WDR17: variants seen among roughly 807,000 people sequenced by gnomAD.
WDR17 encodes the protein WD repeat-containing protein 17.
A neutral mutation model predicts 161.7 loss-of-function variants in WDR17; 143 were observed. The observed-to-expected ratio is 0.88, with a 90% CI of 0.77 to 1.02. The LOEUF is 1.02. Ranked by LOEUF, WDR17 falls within the 50% of genes least tolerant of loss-of-function variation. The pLI, the probability that WDR17 is intolerant of heterozygous loss-of-function variation, is 0.00. For synonymous variants in WDR17, 517 were observed against 515.6 expected (o/e 1.00, Z -0.04); for missense variants, 1,469 against 1,520.9 (o/e 0.97, Z 0.57).
intron 1 of WDR17, among the ~76,000 whole-genome samples, chr4:176,104,164 C>T (rs1009467121): frequency 6.6e-6 from 1 of 152,038 alleles, no homozygotes; most frequent in African/African-American, 2.4e-5. Flanking sequence ...TTTTATCCTG[C>T]AAAACTGTCT....
At chr4:176,148,454 T>C (rs1746550038) in intron 13 of WDR17, 119 bp downstream of exon 13, 3 of 863,138 alleles carry the variant, frequency 3.5e-6, no homozygotes, top group African/African-American at 3.4e-5. Context: ...TACAATAACA[T>C]TTTTCACATT....
chr4:176,066,301 G>A (rs567842794), intron 1 of WDR17, among the ~76,000 whole-genome samples: 2 of 152,328 alleles, frequency 1.3e-5, no homozygotes, highest in African/African-American at 4.8e-5. Flanking sequence ...ACAGCAAGCA[G>A]CGAATATTTA....
At chr4:176,070,646 T>A (rs1332865482) in intron 1 of WDR17, among the ~76,000 whole-genome samples, 2 of 151,876 alleles carry the variant, frequency 1.3e-5, no homozygotes, top group African/African-American at 2.4e-5. Context: ...TCTGAGCAGC[T>A]GGGACTACAG....
intron 11 of WDR17, among the ~76,000 whole-genome samples, chr4:176,144,329 C>A (rs957085432): frequency 3.3e-5 from 5 of 151,952 alleles, no homozygotes; most frequent in African/African-American, 1.2e-4. Context: ...GCTGTCTCAC[C>A]CTCTGAAATG....
chr4:176,162,075 A>T lies in WDR17; in HGVS notation c.2751A>T (p.Glu917Asp). The T allele has an allele frequency of 1.9e-6, 3 of 1,608,260 alleles. No individual in the cohort carries two copies. Among genetic ancestry groups the T allele is most frequent in the Non-Finnish European group, 2.5e-6 (3 of 1,177,816 alleles). ...SDDIYKEDFN[E>D]LLHKVSKELA... Reference sequence around the variant, plus strand: ...AGAATACACATTTTTTTCTTTCTAGACTCCTGCACAAAGTCAGTAAAGAAC... The same window carrying T: ...AGAATACACATTTTTTTCTTTCTAGTCTCCTGCACAAAGTCAGTAAAGAAC... Residue 917 changes from glutamate to aspartate, a missense_variant and splice_region_variant, in exon 21 of 29, where the codon GAA becomes GAT. Coordinates refer to ENST00000508596, the MANE Select transcript of WDR17 (RefSeq NM_181265.4).
chr4:176,088,421 TA>T (rs1004092530), intron 1 of WDR17, among the ~76,000 whole-genome samples: 4 of 151,796 alleles, frequency 2.6e-5, no homozygotes, highest in South Asian at 2.1e-4. Context: ...CCTATCTCTT[TA>T]AAAAAAAATT....
At chr4:176,140,859 A>G (rs974375938) in intron 10 of WDR17, among the ~76,000 whole-genome samples, 1 of 152,198 alleles carries the variant, frequency 6.6e-6, no homozygotes, top group Non-Finnish European at 1.5e-5. Context: ...ATAGATACCA[A>G]AATACAAAAG....
At position 176,152,595 on chromosome 4, in the gene WDR17, CAAAAAAAAAAAAAAA is replaced by C. The variant is rs34451055; in HGVS notation, c.2460+641_2460+655del. Among the ~76,000 whole-genome samples, 55 of 37,252 alleles carry C rather than the reference CAAAAAAAAAAAAAAA, an allele frequency of 1.5e-3. 1 individual carries two copies. Among genetic ancestry groups the C allele is most frequent in the African/African-American group, 5.7e-3 (50 of 8,730 alleles). The allele number at this position is 37,252 out of a possible 152,430, so 24.4% of individuals were successfully genotyped here. On this transcript the variant is annotated intron_variant, in intron 17 of 28. Transcript: ENST00000508596. ...TACTCCAGCCTGGGTAACTCCATCT[CAAAAAAAAAAAAAAA>C]AAAAAAAAAAAAGGGAAAGAAATGT...
At chr4:176,068,958 AT>A (rs1054600693) in intron 1 of WDR17, among the ~76,000 whole-genome samples, 2 of 152,212 alleles carry the variant, frequency 1.3e-5, no homozygotes, top group African/African-American at 4.8e-5. Context: ...GGTAATAAAA[AT>A]TGGTAGAAAT....
chr4:176,175,886 GT>G (rs1751384770), intron 26 of WDR17, among the ~76,000 whole-genome samples: 1 of 152,130 alleles, frequency 6.6e-6, no homozygotes, highest in African/African-American at 2.4e-5. Context: ...GAGTTCATAT[GT>G]GGCAGAGGAT....
chr4:176,167,665 A>AAC (rs1561210716), intron 22 of WDR17, among the ~76,000 whole-genome samples: 1 of 134,148 alleles, frequency 7.5e-6, no homozygotes, highest in Non-Finnish European at 1.6e-5. Context: ...AAAAAAAAAA[A>AAC]AAAAAAACAA....
At chr4:176,164,910 G>A (rs1289084848) in intron 22 of WDR17, among the ~76,000 whole-genome samples, 1 of 151,914 alleles carries the variant, frequency 6.6e-6, no homozygotes, top group Non-Finnish European at 1.5e-5. Flanking sequence ...AATTACCTAG[G>A]GACTTGCCTT....
chr4:176,147,297 G>A lies in WDR17; in HGVS notation c.1695-836G>A, dbSNP rs561740582. 2.0e-5 allele frequency among the ~76,000 whole-genome samples: 3 copies of A among 152,244 alleles called. No individual in the cohort carries two copies. In the South Asian group the frequency reaches 6.2e-4, roughly 32 times the overall value. On this transcript the variant is annotated intron_variant, in intron 12 of 28. Coordinates refer to ENST00000508596, the MANE Select transcript of WDR17 (RefSeq NM_181265.4). ...TTTGTTGTCAGTTTGGCATATATCT[G>A]TGACTAAAAAATTATTGTGAATTGT...
chr4:176,177,510 A>C lies in WDR17; in HGVS notation c.3588A>C (p.Ser1196=). The part of the protein sequence containing the change: ...EDSPYTPPSD[S]QRMIYATLLK... The stretch of plus-strand genomic sequence containing the variant: ...CTCCGTATACACCCCCTTCTGATTC[A>C]CAAAGAATGATTTATGCAACTTTAT... Residue 1196 remains serine (S), a synonymous_variant, in exon 28 of 29, where the codon TCA becomes TCC. Coordinates refer to ENST00000508596, the MANE Select transcript of WDR17 (RefSeq NM_181265.4). 6.3e-7 allele frequency: 1 copy of C among 1,584,032 alleles called. No individual in the cohort carries two copies. Among genetic ancestry groups the C allele is most frequent in the Non-Finnish European group, 8.5e-7 (1 of 1,172,038 alleles).
At chr4:176,141,959 T>G (rs747768898) in intron 10 of WDR17, 24 bp from the exon 11 acceptor site, 4 of 1,504,982 alleles carry the variant, frequency 2.7e-6, no homozygotes, top group Non-Finnish European at 3.6e-6. Flanking sequence ...TGTTTTTCTA[T>G]TAACATATTA....
At position 176,170,379 on chromosome 4, in the gene WDR17, G is replaced by A. The variant is rs138989056; in HGVS notation, c.3102+1596G>A. 1.4e-4 allele frequency among the ~76,000 whole-genome samples: 21 copies of A among 146,272 alleles called. No homozygotes were observed. In the East Asian group the frequency reaches 3.0e-3, roughly 21 times the overall value. On this transcript the variant is annotated intron_variant, in intron 23 of 28. Transcript: ENST00000508596. ...TGCCCAGGCTGGAGTGCAATGGCACGAGCTCAGATCAGTGCAACCTCTGCC... is the reference window on the plus strand; with the variant it reads ...TGCCCAGGCTGGAGTGCAATGGCACAAGCTCAGATCAGTGCAACCTCTGCC...
chr4:176,115,701 C>T, intron 2 of WDR17, 95 bp from the exon 3 acceptor site: 2 of 921,562 alleles, frequency 2.2e-6, no homozygotes, highest in Middle Eastern at 3.7e-4. Context: ...AATAATTTTC[C>T]TGTATGTAGC....
rs998360230 is a variant in WDR17, at chr4:176,175,811, G to A, written c.3449+1093G>A. ...CCTGACCTCGTGATCTGCCTGCCTCGGCCTCCCAAAGTGCTGGGATTACAG... is the reference window on the plus strand; with the variant it reads ...CCTGACCTCGTGATCTGCCTGCCTCAGCCTCCCAAAGTGCTGGGATTACAG... On this transcript the variant is annotated intron_variant, in intron 26 of 28. Coordinates refer to ENST00000508596, the MANE Select transcript of WDR17 (RefSeq NM_181265.4). Among the ~76,000 whole-genome samples the A allele has an allele frequency of 6.6e-5, 10 of 152,070 alleles. No individual in the cohort carries two copies. The East Asian group carries it at 1.4e-3, about 21-fold the overall frequency.
chr4:176,091,421 G>T (rs965924202), intron 1 of WDR17, among the ~76,000 whole-genome samples: 3 of 152,008 alleles, frequency 2.0e-5, no homozygotes, highest in African/African-American at 7.2e-5. Context: ...ATAAATTAAA[G>T]AAATTGAAAA....
Sources: allele counts gnomAD v4.1 joint callset (sites outside exome capture counted in the v4.1 genomes callset), GRCh38; gene constraint gnomAD v4.1.1; transcripts MANE v1.5; gene names NCBI Gene and HGNC (gene_info 2026-07-23, HGNC 2026-07-21).